Variants in NET1 observed in about 807,000 individuals in gnomAD.
The protein encoded by NET1 is neuroepithelial cell transforming 1.
Under a neutral mutation model 61.1 loss-of-function variants are expected in NET1, and 42 were observed. The observed-to-expected ratio is 0.69, with a 90% CI of 0.54 to 0.89. The LOEUF is 0.89. NET1 is among the 40% of genes least tolerant of loss of function. The pLI is 0.00. For synonymous variants in NET1, 254 were observed against 281.8 expected (o/e 0.90, Z 0.99); for missense variants, 654 against 747.3 (o/e 0.88, Z 1.46).
chr10:5,436,426 G>C (rs1171860916), intron 3 of NET1, among the ~76,000 whole-genome samples: 1 of 149,598 alleles, frequency 6.7e-6, no homozygotes, highest in Non-Finnish European at 1.5e-5. Context: ...TTAGTAGACA[G>C]GGTTTCACTC....
In NET1 at chr10:5,452,755, C is replaced by A. The variant is rs1240392252; in HGVS notation, c.532-103C>A. ...GAATTACAATTTTCAGACTGAGTTA[C>A]TTTTTAAAATGCCGTTCAAAACATC... is the stretch of plus-strand genomic sequence containing the variant. On this transcript the variant is annotated intron_variant, in intron 5 of 11. Transcript: ENST00000355029. This position sits in a 1 kb window ranked among gnomAD's most constrained non-coding sequence, Gnocchi z 4.0. 1.7e-6 allele frequency: 2 copies of A among 1,149,348 alleles called. No homozygotes were observed. The highest frequency in any genetic ancestry group is 1.3e-6 in the Non-Finnish European group (1 of 794,150). The allele number at this position is 1,149,348 out of a possible 1,614,324, so 71.2% of individuals were successfully genotyped here.
chr10:5,434,368 G>A (rs1429328723), intron 3 of NET1, among the ~76,000 whole-genome samples: 5 of 152,142 alleles, frequency 3.3e-5, no homozygotes, highest in African/African-American at 1.2e-4. Context: ...AGAAGTATCA[G>A]TTTCAAGAGT....
chr10:5,454,371 G>A lies in NET1; in HGVS notation c.875G>A (p.Arg292Gln), dbSNP rs770265697. The change falls in exon 9 of 12, where the codon CGA (arginine) becomes CAA (glutamine). Residue 292 changes from arginine (R) to glutamine (Q), a missense_variant. By Grantham distance (43) the Arg-to-Gln change is conservative. Transcript: ENST00000355029. This position sits in a 1 kb window ranked among gnomAD's most constrained non-coding sequence, Gnocchi z 8.1. Reference protein sequence around the residue: ...QDPRVQDFLQRCLESPFSRKL... With the variant: ...QDPRVQDFLQQCLESPFSRKL... ...CCAAGAGTCCAAGACTTCCTCCAGCGATGTCTCGAGTCTCCCTTCAGTCGA... is the reference window on the plus strand; with the variant it reads ...CCAAGAGTCCAAGACTTCCTCCAGCAATGTCTCGAGTCTCCCTTCAGTCGA... 2.5e-6 allele frequency: 4 copies of A among 1,614,114 alleles called. No homozygotes were observed. The East Asian group carries it at 6.7e-5, about 27-fold the overall frequency.
rs1018072618 is a variant in NET1, at chr10:5,441,638, A to G, written c.256-10192A>G. On this transcript the variant is annotated intron_variant, in intron 3 of 11. Coordinates refer to ENST00000355029, the MANE Select transcript of NET1 (RefSeq NM_001047160.3). The surrounding 1 kb of genome is among the most constrained non-coding windows in gnomAD (Gnocchi z 4.6). ...AGAACCATTGTTTTGACAATACCAA[A>G]CTTATTAGCCTATGAGACTATTTTA... Among the ~76,000 whole-genome samples, 3 of 152,214 alleles carry G rather than the reference A, an allele frequency of 2.0e-5. No individual in the cohort carries two copies. Among genetic ancestry groups the G allele is most frequent in the Non-Finnish European group, 4.4e-5 (3 of 68,044 alleles).
At position 5,421,825 on chromosome 10, in the gene NET1, C is replaced by T. The variant is rs1272156389; in HGVS notation, c.129-4830C>T. On this transcript the variant is annotated intron_variant, in intron 1 of 11. Coordinates refer to ENST00000355029, the MANE Select transcript of NET1 (RefSeq NM_001047160.3). The surrounding 1 kb of genome is among the most constrained non-coding windows in gnomAD (Gnocchi z 4.2). The stretch of plus-strand genomic sequence containing the variant: ...GCAGCCACTGATCTGCTTTCTAGCT[C>T]TATAAATTTCTATTTTCAGGACATA... Among the ~76,000 whole-genome samples, 4 of 152,164 alleles carry T rather than the reference C, an allele frequency of 2.6e-5. No homozygotes were observed. The highest frequency in any genetic ancestry group is 5.9e-5 in the Non-Finnish European group (4 of 68,016).
In NET1 at chr10:5,446,537, C is replaced by T. The variant is rs999622561; in HGVS notation, c.256-5293C>T. The T allele has an allele frequency of 1.8e-6, 2 of 1,133,228 alleles. No individual in the cohort carries two copies. Among genetic ancestry groups the T allele is most frequent in the Middle Eastern group, 3.7e-4 (1 of 2,704 alleles). The allele number at this position is 1,133,228 out of a possible 1,614,324, so 70.2% of individuals were successfully genotyped here. On this transcript the variant is annotated intron_variant, in intron 3 of 11. Coordinates refer to ENST00000355029, the MANE Select transcript of NET1 (RefSeq NM_001047160.3). The surrounding 1 kb of genome is among the most constrained non-coding windows in gnomAD (Gnocchi z 5.0). Reference sequence around the variant, plus strand: ...ACTGAAGTCACGTGGTGGTGGACCCCGCCCCCAGGGCCCGGTTGGCTGTGG... The same window carrying T: ...ACTGAAGTCACGTGGTGGTGGACCCTGCCCCCAGGGCCCGGTTGGCTGTGG...
chr10:5,442,958 C>A (rs1832546257), intron 3 of NET1, among the ~76,000 whole-genome samples: 2 of 151,964 alleles, frequency 1.3e-5, no homozygotes, highest in Admixed American at 1.3e-4. Flanking sequence ...TTTTACCTAC[C>A]CCATGTCTTG....
chr10:5,456,472 T>A lies in NET1; in HGVS notation c.1385-116T>A. ...AATGCATAGGCTTAATGTATTCACA[T>A]TGACATAAATAAATTGCCATAAATT... On this transcript the variant is annotated intron_variant, in intron 11 of 11. Coordinates refer to ENST00000355029, the MANE Select transcript of NET1 (RefSeq NM_001047160.3). The surrounding 1 kb of genome is among the most constrained non-coding windows in gnomAD (Gnocchi z 7.0). 2 of 1,144,472 alleles carry A rather than the reference T, an allele frequency of 1.7e-6. No homozygotes were observed. Among genetic ancestry groups the A allele is most frequent in the Non-Finnish European group, 2.5e-6 (2 of 815,738 alleles). The allele number at this position is 1,144,472 out of a possible 1,614,324, so 70.9% of individuals were successfully genotyped here.
chr10:5,431,509 C>T lies in NET1; in HGVS notation c.255+2280C>T, dbSNP rs1832348204. ...TTTCTTGGTGGTTGCAAAGTGATGA[C>T]ATGTCTTTATCAGACCTCTGTTTAT... is the stretch of plus-strand genomic sequence containing the variant. On this transcript the variant is annotated intron_variant, in intron 3 of 11. Transcript: ENST00000355029. This position sits in a 1 kb window ranked among gnomAD's most constrained non-coding sequence, Gnocchi z 4.9. Among the ~76,000 whole-genome samples, 2 of 151,696 alleles carry T rather than the reference C, an allele frequency of 1.3e-5. No individual in the cohort carries two copies. The highest frequency in any genetic ancestry group is 4.8e-5 in the African/African-American group (2 of 41,254).
In NET1 at chr10:5,453,515, G is replaced by A. The variant is rs767943174; in HGVS notation, c.723G>A (p.Lys241=). The change falls in exon 8 of 12, where the codon AAG becomes AAA. Residue 241 remains lysine, a synonymous_variant. Transcript: ENST00000355029. This position sits in a 1 kb window ranked among gnomAD's most constrained non-coding sequence, Gnocchi z 4.9. ...DLLTRIGEAT[K]PDGTVEQIGH... ...TGACAAGAATAGGAGAAGCAACCAAGCCTGATGGAACAGTGGAGCAGATTG... is the reference window on the plus strand; with the variant it reads ...TGACAAGAATAGGAGAAGCAACCAAACCTGATGGAACAGTGGAGCAGATTG... 6.2e-7 allele frequency: 1 copy of A among 1,614,146 alleles called. No individual in the cohort carries two copies. Among genetic ancestry groups the A allele is most frequent in the Non-Finnish European group, 8.5e-7 (1 of 1,180,024 alleles).
chr10:5,432,079 C>G (rs1490343120), intron 3 of NET1, among the ~76,000 whole-genome samples: 1 of 152,004 alleles, frequency 6.6e-6, no homozygotes, highest in Non-Finnish European at 1.5e-5. Context: ...TGCTCTATGC[C>G]TGGAATCAGT....
At position 5,423,670 on chromosome 10, in the gene NET1, C is replaced by T. The variant is rs763065911; in HGVS notation, c.129-2985C>T. On this transcript the variant is annotated intron_variant, in intron 1 of 11. Coordinates refer to ENST00000355029, the MANE Select transcript of NET1 (RefSeq NM_001047160.3). This position sits in a 1 kb window ranked among gnomAD's most constrained non-coding sequence, Gnocchi z 4.4. ...GCCACTTTTCGCTCTACATTTCATC[C>T]TTTAAGCCCTCCTTTTTAGGAGGTT... is the stretch of plus-strand genomic sequence containing the variant. Among the ~76,000 whole-genome samples, 11 of 152,152 alleles carry T rather than the reference C, an allele frequency of 7.2e-5. No homozygotes were observed. The highest frequency in any genetic ancestry group is 1.5e-4 in the Non-Finnish European group (10 of 68,016).
Position 5,453,413 on chromosome 10 carries a change from C to T in NET1, c.691+67C>T, listed in dbSNP as rs933037901. Reference sequence around the variant, plus strand: ...CGGTGCATGTAATTTTCAGTCTAAACTTCTAATGTAGTGCTGACCTATTTT... The same window carrying T: ...CGGTGCATGTAATTTTCAGTCTAAATTTCTAATGTAGTGCTGACCTATTTT... On this transcript the variant is annotated intron_variant, in intron 7 of 11. Transcript: ENST00000355029. The surrounding 1 kb of genome is among the most constrained non-coding windows in gnomAD (Gnocchi z 4.9). The T allele has an allele frequency of 1.2e-5, 19 of 1,580,858 alleles. No individual in the cohort carries two copies. The highest frequency in any genetic ancestry group is 3.3e-4 in the Middle Eastern group (2 of 6,024).
chr10:5,442,558 C>A (rs1158778298), intron 3 of NET1, among the ~76,000 whole-genome samples: 2 of 152,168 alleles, frequency 1.3e-5, no homozygotes, highest in African/African-American at 4.8e-5. Context: ...AAGACGCTAA[C>A]CAATCTGTGC....
chr10:5,442,356 T>C (rs1832534808), intron 3 of NET1, among the ~76,000 whole-genome samples: 1 of 152,192 alleles, frequency 6.6e-6, no homozygotes, highest in Non-Finnish European at 1.5e-5. Context: ...AAGTAGATAA[T>C]AATGCCTAGA....
At chr10:5,434,983 G>GA (rs1588430577) in intron 3 of NET1, among the ~76,000 whole-genome samples, 2 of 152,122 alleles carry the variant, frequency 1.3e-5, no homozygotes, top group East Asian at 3.9e-4. Context: ...CAGAGCTATA[G>GA]AAAAGCCTGC....
Position 5,454,454 on chromosome 10 carries a change from T to G in NET1, c.958T>G (p.Leu320Val). The change falls in exon 9 of 12, where the codon TTA (leucine) becomes GTA (valine). Residue 320 changes from leucine (L) to valine (V), a missense_variant. Physicochemically the swap from Leu to Val is conservative, Grantham distance 32. Coordinates refer to ENST00000355029, the MANE Select transcript of NET1 (RefSeq NM_001047160.3). This position sits in a 1 kb window ranked among gnomAD's most constrained non-coding sequence, Gnocchi z 8.1. ...IPRSRLVKYPLLLKEILKHTP... is the reference protein window; with the variant it reads ...IPRSRLVKYPVLLKEILKHTP... ...TCGAAGTCGCCTAGTCAAATACCCT[T>G]TACTGTTAAAAGAAATTCTTAAACA... The G allele has an allele frequency of 1.2e-6, 2 of 1,614,182 alleles. No individual in the cohort carries two copies. The highest frequency in any genetic ancestry group is 1.1e-5 in the South Asian group (1 of 91,082).
intron 3 of NET1, among the ~76,000 whole-genome samples, chr10:5,433,236 G>C (rs550516448): frequency 6.6e-6 from 1 of 152,226 alleles, no homozygotes; most frequent in East Asian, 1.9e-4. Context: ...CTCATGTTGA[G>C]TCCTTTCTAG....
At chr10:5,413,169 AT>A (rs1209495401) in intron 1 of NET1, among the ~76,000 whole-genome samples, 1 of 152,102 alleles carries the variant, frequency 6.6e-6, no homozygotes, top group Non-Finnish European at 1.5e-5. Flanking sequence ...GGGCGGGTTT[AT>A]TGAGTCTCCT....
Sources: gnomAD v4.1 joint callset for allele counts (sites outside exome capture counted in the v4.1 genomes callset) on GRCh38, gnomAD v4.1.1 for gene constraint, Gnocchi (gnomAD v3.1) non-coding constraint, MANE v1.5 for transcripts, NCBI Gene and HGNC (gene_info 2026-07-23, HGNC 2026-07-21) for gene names.